Variants in AGBL4 observed in about 807,000 individuals in gnomAD.
The protein encoded by AGBL4 is AGBL carboxypeptidase 4, also known as cytosolic carboxypeptidase 6.
Under a neutral mutation model 66.4 loss-of-function variants are expected in AGBL4, and 58 were observed. That is an observed-to-expected ratio of 0.87 (90% CI 0.71 to 1.09). The LOEUF is 1.09. AGBL4 is among the 50% of genes least tolerant of loss of function. The pLI is 0.00. For missense variants in AGBL4, 579 were observed against 631.0 expected (o/e 0.92, Z 0.88); for synonymous variants, 234 against 222.9 (o/e 1.05, Z -0.44).
chr1:49,225,919 C>T (rs1649876371), intron 4 of AGBL4, among the ~76,000 whole-genome samples: 1 of 152,182 alleles, frequency 6.6e-6, no homozygotes, highest in Non-Finnish European at 1.5e-5. Flanking sequence ...AGATTCACAT[C>T]AGTACAGGAT....
intron 4 of AGBL4, among the ~76,000 whole-genome samples, chr1:49,110,511 C>T (rs750837214): frequency 6.6e-6 from 1 of 152,176 alleles, no homozygotes; most frequent in African/African-American, 2.4e-5. Context: ...CTTATTCCCT[C>T]AGCCAAAGTT....
chr1:48,750,250 T>C (rs1355433716), intron 6 of AGBL4, among the ~76,000 whole-genome samples: 2 of 152,164 alleles, frequency 1.3e-5, no homozygotes, highest in Non-Finnish European at 2.9e-5. Flanking sequence ...AGTGCCCCCA[T>C]GAACCACCTG....
At chr1:48,749,961 G>A (rs1651415644) in intron 6 of AGBL4, among the ~76,000 whole-genome samples, 1 of 152,162 alleles carries the variant, frequency 6.6e-6, no homozygotes, top group African/African-American at 2.4e-5. Context: ...CAGCATAAGG[G>A]CTGCTCCCAG....
chr1:49,399,179 C>T (rs1645033025), intron 3 of AGBL4, among the ~76,000 whole-genome samples: 1 of 152,132 alleles, frequency 6.6e-6, no homozygotes, highest in Non-Finnish European at 1.5e-5. Context: ...TTACAAGTTT[C>T]ATTCTTTTTA....
intron 3 of AGBL4, among the ~76,000 whole-genome samples, chr1:49,672,194 T>G (rs1032512798): frequency 6.6e-6 from 1 of 152,152 alleles, no homozygotes; most frequent in Non-Finnish European, 1.5e-5. Context: ...AGAACATGGA[T>G]GGAGTGGGAG....
At chr1:49,160,117 T>C (rs1646512601) in intron 4 of AGBL4, among the ~76,000 whole-genome samples, 1 of 152,060 alleles carries the variant, frequency 6.6e-6, no homozygotes, top group African/African-American at 2.4e-5. Context: ...TGGTGAGGAG[T>C]TGTGATACTT....
chr1:49,278,151 T>C (rs1644206736), intron 3 of AGBL4, among the ~76,000 whole-genome samples: 1 of 152,130 alleles, frequency 6.6e-6, no homozygotes, highest in South Asian at 2.1e-4. Flanking sequence ...TCAGGTTTAT[T>C]TGACTCTAAA....
intron 3 of AGBL4, among the ~76,000 whole-genome samples, chr1:49,279,923 G>A (rs909629399): frequency 8.5e-5 from 13 of 152,308 alleles, no homozygotes; most frequent in South Asian, 6.2e-4. Context: ...GGAGGATAGC[G>A]AAGCCTGAAT....
At chr1:49,829,218 G>A (rs529611663) in intron 2 of AGBL4, among the ~76,000 whole-genome samples, 2 of 152,270 alleles carry the variant, frequency 1.3e-5, no homozygotes, top group East Asian at 1.9e-4. Flanking sequence ...TGAATGGATG[G>A]ATGGATGGAT....
intron 6 of AGBL4, among the ~76,000 whole-genome samples, chr1:48,799,334 G>A (rs1432148814): frequency 6.6e-6 from 1 of 152,100 alleles, no homozygotes; most frequent in Non-Finnish European, 1.5e-5. Flanking sequence ...TGATCTCTGT[G>A]CATTGATTTT....
At chr1:49,263,083 C>T (rs1557781163) in intron 3 of AGBL4, among the ~76,000 whole-genome samples, 1 of 151,354 alleles carries the variant, frequency 6.6e-6, no homozygotes, top group African/African-American at 2.4e-5. Context: ...CATGTTCTCA[C>T]TCATAGATGG....
At chr1:49,726,587 A>G (rs1398247322) in intron 2 of AGBL4, among the ~76,000 whole-genome samples, 1 of 152,180 alleles carries the variant, frequency 6.6e-6, no homozygotes, top group Non-Finnish European at 1.5e-5. Flanking sequence ...CTTTTTAATG[A>G]CTGCAAAGGT....
intron 4 of AGBL4, among the ~76,000 whole-genome samples, chr1:49,144,123 T>A (rs1159666618): frequency 6.6e-6 from 1 of 152,184 alleles, no homozygotes; most frequent in African/African-American, 2.4e-5. Flanking sequence ...ACATGAGGCA[T>A]CTAGTGTAAA....
intron 2 of AGBL4, among the ~76,000 whole-genome samples, chr1:49,707,606 T>C (rs1485340835): frequency 6.6e-6 from 1 of 152,124 alleles, no homozygotes; most frequent in African/African-American, 2.4e-5. Flanking sequence ...TGATCCTAGC[T>C]GGTTATTTTG....
intron 3 of AGBL4, among the ~76,000 whole-genome samples, chr1:49,437,855 C>A (rs1175383763): frequency 6.6e-6 from 1 of 151,286 alleles, no homozygotes; most frequent in Non-Finnish European, 1.5e-5. Context: ...CTGACAGATT[C>A]TTGTTTTCAG....
chr1:48,815,430 A>G (rs1646150158), intron 6 of AGBL4, among the ~76,000 whole-genome samples: 1 of 152,210 alleles, frequency 6.6e-6, no homozygotes, highest in Admixed American at 6.5e-5. Context: ...GGCCATTTGT[A>G]GAACAGTGTG....
chr1:49,605,770 T>C (rs968254599), intron 3 of AGBL4, among the ~76,000 whole-genome samples: 2 of 152,154 alleles, frequency 1.3e-5, no homozygotes, highest in East Asian at 3.9e-4. Context: ...CAAGGGCCAC[T>C]GAAAATAAGA....
chr1:48,843,624 C>A (rs1646852579), intron 6 of AGBL4, among the ~76,000 whole-genome samples: 1 of 152,036 alleles, frequency 6.6e-6, no homozygotes, highest in African/African-American at 2.4e-5. Context: ...CATACACACA[C>A]ATATACTCTA....
chr1:48,532,841 G>A (rs898179376), downstream of AGBL4: 1 of 152,312 alleles, frequency 6.6e-6, no homozygotes, highest in African/African-American at 2.4e-5. Flanking sequence ...AATGCTCAGA[G>A]GAACAGAGGA....
Sources: allele counts gnomAD v4.1 joint callset (sites outside exome capture counted in the v4.1 genomes callset), GRCh38; gene constraint gnomAD v4.1.1; transcripts MANE v1.5; gene names NCBI Gene and HGNC (gene_info 2026-07-23, HGNC 2026-07-21).